ZNF226: variants seen among roughly 807,000 people sequenced by gnomAD.
The protein encoded by ZNF226 is Kruppel-associated box protein.
ZNF226 carries 6 observed loss-of-function variants against 11.4 expected under a neutral mutation model. The ratio of observed to expected loss-of-function variants is 0.53; its 90% CI spans 0.29 to 1.04. ZNF226 has a LOEUF of 1.04. Among genes scored for constraint, ZNF226 ranks in the 50% least tolerant of loss-of-function variants. The pLI is 0.08. For missense variants in ZNF226, 1,058 were observed against 956.5 expected, an observed-to-expected ratio of 1.11 and a Z score of -1.40; for synonymous variants, 350 against 322.8, an observed-to-expected ratio of 1.08 and a Z score of -0.90.
chr19:44,183,027 C>T (rs1599744290), downstream of ZNF226, among the ~76,000 whole-genome samples: 1 of 152,058 alleles, frequency 6.6e-6, no homozygotes, highest in Non-Finnish European at 1.5e-5. Context: ...GTCAAGTCTT[C>T]TTGAGAAAGT....
At chr19:44,172,405 G>A (rs6509147) in intron 4 of ZNF226, 191 bp downstream of exon 4, 44,975 of 623,232 alleles carry the variant, frequency 0.072, 8,326 homozygotes, top group African/African-American at 0.52. Context: ...TAGAAGAACT[G>A]TAAATGAACA....
chr19:44,193,163 TTAC>T, the ZNF226 span, among the ~76,000 whole-genome samples: 1 of 152,148 alleles, frequency 6.6e-6, no homozygotes, highest in African/African-American at 2.4e-5. Flanking sequence ...AAATAGTTAT[TTAC>T]TATTTTTTCT....
rs749916009 is a variant in ZNF226, at chr19:44,176,104, C to G, written c.842C>G (p.Thr281Arg). ...QQLQSGEKSL[T>R]CVERGKGFCY... ...TTACAATCAGGAGAGAAGTCTCTTA[C>G]ATGTGTTGAGCGTGGAAAAGGCTTC... Residue 281 changes from threonine to arginine, a missense_variant, in exon 6 of 6, where the codon ACA (threonine) becomes AGA (arginine). Transcript: ENST00000337433. 1.2e-5 allele frequency: 20 copies of G among 1,614,178 alleles called. No homozygotes were observed. The highest frequency in any genetic ancestry group is 1.7e-5 in the Admixed American group (1 of 60,018).
At chr19:44,189,591 C>G in the ZNF226 span, among the ~76,000 whole-genome samples, 1 of 152,130 alleles carries the variant, frequency 6.6e-6, no homozygotes, top group Non-Finnish European at 1.5e-5. Context: ...CTAAAGGATT[C>G]TTTGGTCATG....
chr19:44,177,034 A>T lies in ZNF226; in HGVS notation c.1772A>T (p.Glu591Val), dbSNP rs760651440. Residue 591 changes from glutamate to valine, a missense_variant, in exon 6 of 6, where the codon GAG (glutamate) becomes GTG (valine). Physicochemically the swap from Glu to Val is moderately radical, Grantham distance 121. Transcript: ENST00000337433. ...GGTGAGAAACCATACAAATGTGAAG[A>T]GTGTGGCAAGGGATTTAGTCGTAGA... ...HTGEKPYKCEECGKGFSRRAD... is the reference protein window; with the variant it reads ...HTGEKPYKCEVCGKGFSRRAD... The T allele has an allele frequency of 1.2e-6, 2 of 1,613,980 alleles. No individual in the cohort carries two copies. The highest frequency in any genetic ancestry group is 1.7e-6 in the Non-Finnish European group (2 of 1,180,006).
At chr19:44,174,927 G>A (rs1970541019) in intron 5 of ZNF226, 3 of 1,545,150 alleles carry the variant, frequency 1.9e-6, no homozygotes, top group Middle Eastern at 1.7e-4. Context: ...CCTACCTCAG[G>A]TACAGCTTTT....
At chr19:44,193,860 T>C in the ZNF226 span, among the ~76,000 whole-genome samples, 2 of 152,220 alleles carry the variant, frequency 1.3e-5, no homozygotes, top group Non-Finnish European at 2.9e-5. Flanking sequence ...ATTTTTTAAA[T>C]GTGCATGAGA....
At chr19:44,188,242 T>C in the ZNF226 span, among the ~76,000 whole-genome samples, 3 of 152,204 alleles carry the variant, frequency 2.0e-5, no homozygotes, top group East Asian at 5.8e-4. Context: ...ACTATTATTG[T>C]GTTGCTGTTT....
At chr19:44,197,443 A>C in the ZNF226 span, among the ~76,000 whole-genome samples, 7 of 152,292 alleles carry the variant, frequency 4.6e-5, no homozygotes, top group African/African-American at 1.7e-4. Flanking sequence ...CTAATTTTTT[A>C]AAAGAAGTAG....
downstream of ZNF226, chr19:44,177,929 T>C (rs546532932): frequency 3.8e-5 from 14 of 369,940 alleles, no homozygotes; most frequent in South Asian, 5.3e-4. Flanking sequence ...AAGTGTCCAC[T>C]AGAATGTTAA....
chr19:44,165,409 A>G (rs563369305), intron 1 of ZNF226, among the ~76,000 whole-genome samples: 2 of 151,986 alleles, frequency 1.3e-5, no homozygotes, highest in African/African-American at 4.8e-5. Context: ...AGCCAGCCCT[A>G]CCACTTCATA....
At chr19:44,171,991 G>A (rs1486202111) in intron 3 of ZNF226, 97 bp from the exon 4 acceptor site, 7 of 1,507,758 alleles carry the variant, frequency 4.6e-6, no homozygotes, top group African/African-American at 1.4e-5. Flanking sequence ...ATCTACAAAC[G>A]GCTGGGCATC....
chr19:44,170,298 A>T (rs1338139279), intron 3 of ZNF226, among the ~76,000 whole-genome samples: 1 of 152,200 alleles, frequency 6.6e-6, no homozygotes. Flanking sequence ...AAAGGTAGAA[A>T]AATTAATAGA....
chr19:44,176,491 A>G lies in ZNF226; in HGVS notation c.1229A>G (p.Gln410Arg), dbSNP rs1444059711. Residue 410 changes from glutamine to arginine, a missense_variant, in exon 6 of 6, where the codon CAA becomes CGA. Coordinates refer to ENST00000337433, the MANE Select transcript of ZNF226 (RefSeq NM_001032373.2). ...CGGAATTCACATCTTCAATCCCATC[A>G]AAGAGTTCATACAGGAGAGAAACCA... ...FSRNSHLQSH[Q>R]RVHTGEKPYK... is the part of the protein sequence containing the mutation. 1 of 1,613,782 alleles carries G rather than the reference A, an allele frequency of 6.2e-7. No individual in the cohort carries two copies. Among genetic ancestry groups the G allele is most frequent in the Admixed American group, 1.7e-5 (1 of 60,008 alleles).
At chr19:44,184,914 T>C in the ZNF226 span, among the ~76,000 whole-genome samples, 1 of 152,232 alleles carries the variant, frequency 6.6e-6, no homozygotes, top group South Asian at 2.1e-4. Flanking sequence ...ACCAGTTAGA[T>C]ACTATTTCCT....
intron 2 of ZNF226, among the ~76,000 whole-genome samples, chr19:44,166,134 C>CTAG (rs1192975342): frequency 1.3e-5 from 2 of 152,194 alleles, no homozygotes; most frequent in Non-Finnish European, 1.5e-5. Context: ...AGGCAGCTGG[C>CTAG]TAGTATCATG....
the ZNF226 span, among the ~76,000 whole-genome samples, chr19:44,192,686 G>A: frequency 6.6e-6 from 1 of 152,138 alleles, no homozygotes; most frequent in South Asian, 2.1e-4. Flanking sequence ...TTTAAATGAG[G>A]GAGATAGTAT....
rs1239776123 is a variant in ZNF226, at chr19:44,176,122, A to G, written c.860A>G (p.Lys287Arg). ...EKSLTCVERG[K>R]GFCYSPVLPV... ...TCTCTTACATGTGTTGAGCGTGGAA[A>G]AGGCTTCTGTTACAGCCCAGTTCTT... Residue 287 changes from lysine (K) to arginine (R), a missense_variant, in exon 6 of 6, where the codon AAA becomes AGA. Transcript: ENST00000337433. 6.2e-7 allele frequency: 1 copy of G among 1,614,180 alleles called. No individual in the cohort carries two copies. Among genetic ancestry groups the G allele is most frequent in the Admixed American group, 1.7e-5 (1 of 60,016 alleles).
the ZNF226 span, among the ~76,000 whole-genome samples, chr19:44,191,763 A>AT: frequency 2.0e-5 from 3 of 151,814 alleles, no homozygotes; most frequent in South Asian, 2.1e-4. Flanking sequence ...CATTACATGG[A>AT]TTAAAAAAAA....
Sources: gnomAD v4.1 joint callset for allele counts (sites outside exome capture counted in the v4.1 genomes callset) on GRCh38, gnomAD v4.1.1 for gene constraint, MANE v1.5 for transcripts, NCBI Gene and HGNC (gene_info 2026-07-23, HGNC 2026-07-21) for gene names.